The following PTGR1 variants were observed in gnomAD, a reference collection of about 807,000 sequenced individuals.
The protein encoded by PTGR1 is 15-oxoprostaglandin 13-reductase.
Under a neutral mutation model 37.7 loss-of-function variants are expected in PTGR1, and 23 were observed. The observed-to-expected ratio is 0.61, with a 90% CI of 0.44 to 0.86. The LOEUF (loss-of-function observed/expected upper bound fraction) is 0.86, where lower values mean the gene tolerates loss of function less well. Ranked by LOEUF, PTGR1 falls within the 40% of genes least tolerant of loss-of-function variation. The probability of loss-of-function intolerance (pLI) is 0.00; values close to 1 mark genes in which losing one functional copy is unlikely to be tolerated. For synonymous variants in PTGR1, 134 were observed against 140.0 expected, an observed-to-expected ratio of 0.96 and a Z score of 0.30; for missense variants, 351 against 394.3, an observed-to-expected ratio of 0.89 and a Z score of 0.93.
chr9:111,578,811 A>G lies in PTGR1; in HGVS notation c.636T>C (p.Asp212=). ...TTGTACTTACATTATCAAAATAACA[A>G]TCATAACCATCAGGAGACGCTTTCT... is the stretch of plus-strand genomic sequence containing the variant. ...TLKKASPDGY[D]CYFDNVGGEF... Residue 212 remains aspartate (D), a synonymous_variant, in exon 7 of 10, where the codon GAT becomes GAC. Coordinates refer to ENST00000407693, the MANE Select transcript of PTGR1 (RefSeq NM_001146108.2). 14 of 1,602,536 alleles carry G rather than the reference A, an allele frequency of 8.7e-6. No homozygotes were observed. Among genetic ancestry groups the G allele is most frequent in the Non-Finnish European group, 1.2e-5 (14 of 1,176,454 alleles).
intron 6 of PTGR1, among the ~76,000 whole-genome samples, chr9:111,582,554 C>T (rs756523936): frequency 1.3e-5 from 2 of 152,182 alleles, no homozygotes; most frequent in African/African-American, 2.4e-5. Context: ...ATACGTAAAG[C>T]TTATTCTGCA....
At chr9:111,593,108 T>C (rs949194230) in intron 3 of PTGR1, 126 bp from the exon 4 acceptor site, 3 of 1,392,250 alleles carry the variant, frequency 2.2e-6, no homozygotes, top group African/African-American at 2.9e-5. Context: ...GCTGGATAAG[T>C]GTATGCGGCA....
rs746266405 is a variant in PTGR1, at chr9:111,594,245, G to T, written c.129C>A (p.Phe43Leu). Residue 43 changes from phenylalanine to leucine, a missense_variant, in exon 3 of 10, where the codon TTC becomes TTA. Transcript: ENST00000407693. ...KNGEVLLEALFLTVDPYMRVA... is the reference protein window; with the variant it reads ...KNGEVLLEALLLTVDPYMRVA... Reference sequence around the variant, plus strand: ...ACCTCATGTAGGGATCCACGGTGAGGAACAAAGCTTCAAGCAGGACCTCTA... The same window carrying T: ...ACCTCATGTAGGGATCCACGGTGAGTAACAAAGCTTCAAGCAGGACCTCTA... 2 of 1,613,668 alleles carry T rather than the reference G, an allele frequency of 1.2e-6. No homozygotes were observed.
chr9:111,592,986 CAAAAAAAAAAAAAAAAAA>C lies in PTGR1; in HGVS notation c.153-22_153-5del, dbSNP rs58142522. ...CTTCAATCTTTTGGCTGCCACTCTG[CAAAAAAAAAAAAAAAAAA>C]AAAAAAAAAAAAATAGGTAAATAAA... On this transcript the variant is annotated splice_polypyrimidine_tract_variant and splice_region_variant and intron_variant, in intron 3 of 9. Transcript: ENST00000407693. The C allele has an allele frequency of 5.9e-5, 57 of 961,252 alleles. No homozygotes were observed. In the African/African-American group the frequency reaches 1.1e-3, roughly 18 times the overall value. The allele number at this position is 961,252 out of a possible 1,614,324, so 59.5% of individuals were successfully genotyped here.
intron 8 of PTGR1, among the ~76,000 whole-genome samples, chr9:111,572,756 C>CAAAAAAAAAAAAAAAAAAA (rs58101079): frequency 1.6e-5 from 1 of 63,512 alleles, no homozygotes; most frequent in African/African-American, 7.7e-5. Context: ...GACCCTGTCT[C>CAAAAAAAAAAAAAAAAAAA]AAAAAAAAAA....
chr9:111,561,148 GGAGA>G (rs527553902), downstream of PTGR1, among the ~76,000 whole-genome samples: 1,756 of 34,670 alleles, frequency 0.051, 90 homozygotes, highest in Middle Eastern at 0.065. Flanking sequence ...GGAGAGAGAG[GGAGA>G]GAGAGAGAGA....
At chr9:111,586,199 T>G in intron 4 of PTGR1, 34 bp from the exon 5 acceptor site, 1 of 1,600,680 alleles carries the variant, frequency 6.2e-7, no homozygotes, top group East Asian at 2.2e-5. Flanking sequence ...CATTAAGGCA[T>G]GTGACATGTC....
intron 4 of PTGR1, among the ~76,000 whole-genome samples, chr9:111,591,564 T>C (rs1337909079): frequency 9.9e-5 from 15 of 151,646 alleles, no homozygotes; most frequent in Admixed American, 9.8e-4. Flanking sequence ...GAGACGGGGT[T>C]TCACCATGTT....
At chr9:111,584,237 T>C (rs948498447) in intron 5 of PTGR1, among the ~76,000 whole-genome samples, 28 of 152,308 alleles carry the variant, frequency 1.8e-4, no homozygotes, top group Non-Finnish European at 3.7e-4. Context: ...GAAGGTGATA[T>C]GATTGAAGAC....
rs764199665 is a variant in PTGR1 at position 111,569,999 on chromosome 9, G to A, written c.879+92C>T. 3.2e-6 allele frequency: 5 copies of A among 1,574,684 alleles called. No individual in the cohort carries two copies. The Admixed American group carries it at 7.4e-5, about 23-fold the overall frequency. On this transcript the variant is annotated intron_variant, in intron 9 of 9. Coordinates refer to ENST00000407693, the MANE Select transcript of PTGR1 (RefSeq NM_001146108.2). ...AGGGAAAAACTGACGATGCGGCAGA[G>A]ATGGGGAAGAATTGGTAGAACAAAA... is the stretch of plus-strand genomic sequence containing the variant.
chr9:111,593,303 C>T (rs1341010463), intron 3 of PTGR1, among the ~76,000 whole-genome samples: 2 of 152,080 alleles, frequency 1.3e-5, no homozygotes, highest in Non-Finnish European at 2.9e-5. Context: ...AAATAGAACC[C>T]AGGCACCACT....
intron 9 of PTGR1, among the ~76,000 whole-genome samples, chr9:111,556,130 C>G (rs1828114104): frequency 6.6e-6 from 1 of 152,242 alleles, no homozygotes; most frequent in African/African-American, 2.4e-5. Context: ...AAAGGGGCTA[C>G]AGGCCCCATG....
intron 9 of PTGR1, among the ~76,000 whole-genome samples, chr9:111,564,979 C>T (rs910142353): frequency 1.3e-5 from 2 of 151,916 alleles, no homozygotes; most frequent in Admixed American, 1.3e-4. Context: ...CGAAAATTAG[C>T]CAGGCGTGGT....
At chr9:111,595,854 C>G (rs1829764881) in intron 2 of PTGR1, among the ~76,000 whole-genome samples, 1 of 152,088 alleles carries the variant, frequency 6.6e-6, no homozygotes, top group South Asian at 2.1e-4. Context: ...AGGATGGTCT[C>G]GATCTCCTGA....
intron 2 of PTGR1, among the ~76,000 whole-genome samples, chr9:111,597,008 C>G (rs960449010): frequency 6.6e-6 from 1 of 151,312 alleles, no homozygotes; most frequent in Admixed American, 6.6e-5. Flanking sequence ...TATGGGGCCA[C>G]TATAAGAATA....
At chr9:111,561,138 GGAGA>G (rs1402688269), downstream of PTGR1, among the ~76,000 whole-genome samples, 43 of 20,082 alleles carry the variant, frequency 2.1e-3, 3 homozygotes, top group East Asian at 0.023. Flanking sequence ...GAGAGAGAGA[GGAGA>G]GAGAGGGAGA....
chr9:111,592,774 G>T, intron 4 of PTGR1, 152 bp downstream of exon 4: 1 of 1,051,198 alleles, frequency 9.5e-7, no homozygotes, highest in Non-Finnish European at 1.3e-6. Context: ...AGTTAGGAAG[G>T]AGACAGAATT....
downstream of PTGR1, among the ~76,000 whole-genome samples, chr9:111,559,057 CTCTG>C (rs1376078263): frequency 5.9e-5 from 9 of 152,246 alleles, no homozygotes; most frequent in South Asian, 1.7e-3. Flanking sequence ...CTTCCCAAAG[CTCTG>C]TCTGCTCATG....
intron 9 of PTGR1, among the ~76,000 whole-genome samples, chr9:111,564,966 A>T (rs1828489357): frequency 6.6e-6 from 1 of 151,972 alleles, no homozygotes; most frequent in Admixed American, 6.5e-5. Flanking sequence ...TCTACTAAAA[A>T]TACGAAAATT....
Sources: allele counts gnomAD v4.1 joint callset (sites outside exome capture counted in the v4.1 genomes callset), GRCh38; gene constraint gnomAD v4.1.1; transcripts MANE v1.5; gene names NCBI Gene and HGNC (gene_info 2026-07-23, HGNC 2026-07-21).